The following MN1 variants were observed in gnomAD, a reference collection of about 807,000 sequenced individuals.
The protein encoded by MN1 is transcriptional activator MN1.
MN1 carries 19 observed loss-of-function variants against 86.9 expected under a neutral mutation model. That is an observed-to-expected ratio of 0.22 (90% CI 0.15 to 0.32). The LOEUF is 0.32. Ranked by LOEUF, MN1 falls within the 10% of genes least tolerant of loss-of-function variation. MN1 has a pLI of 1.00. For synonymous variants in MN1, 928 were observed against 849.6 expected (o/e 1.09, Z -1.60); for missense variants, 1,841 against 1,862.0 (o/e 0.99, Z 0.21).
intron 1 of MN1, among the ~76,000 whole-genome samples, chr22:27,768,468 G>C (rs1287963166): frequency 2.0e-5 from 3 of 152,138 alleles, no homozygotes; most frequent in African/African-American, 7.2e-5. Flanking sequence ...GTACTGCTTG[G>C]TGTCGGTTGC....
rs1175265261 is a variant in MN1 at position 27,798,858 on chromosome 22, C to T, written c.1686G>A (p.Ala562=). 6.5e-7 allele frequency: 1 copy of T among 1,544,176 alleles called. No individual in the cohort carries two copies. The highest frequency in any genetic ancestry group is 8.7e-7 in the Non-Finnish European group (1 of 1,147,120). The change falls in exon 1 of 2, where the codon GCG becomes GCA. Residue 562 remains alanine (A), a synonymous_variant. Coordinates refer to ENST00000302326, the MANE Select transcript of MN1 (RefSeq NM_002430.3). ...QNAALMIKQM[A]SRNQQQRLRQ... Reference sequence around the variant, plus strand: ...GCAGCCGCTGCTGCTGATTCCGCGACGCCATCTGCTTAATCATGAGGGCCG... The same window carrying T: ...GCAGCCGCTGCTGCTGATTCCGCGATGCCATCTGCTTAATCATGAGGGCCG...
At chr22:27,761,681 C>T (rs1932836033) in intron 1 of MN1, among the ~76,000 whole-genome samples, 1 of 152,146 alleles carries the variant, frequency 6.6e-6, no homozygotes, top group Non-Finnish European at 1.5e-5. Flanking sequence ...GCAAAGACAG[C>T]CCCCCAACTC....
chr22:27,779,382 G>A (rs1933021994), intron 1 of MN1, among the ~76,000 whole-genome samples: 1 of 152,202 alleles, frequency 6.6e-6, no homozygotes, highest in African/African-American at 2.4e-5. Flanking sequence ...CCCCAGGCTA[G>A]GGGTTCGAAC....
chr22:27,763,648 A>G (rs546826851), intron 1 of MN1, among the ~76,000 whole-genome samples: 5 of 152,360 alleles, frequency 3.3e-5, no homozygotes, highest in African/African-American at 7.2e-5. Flanking sequence ...GCCTAGAGGA[A>G]GGGAGTCCTC....
At chr22:27,791,186 G>A (rs1933206473) in intron 1 of MN1, among the ~76,000 whole-genome samples, 1 of 152,020 alleles carries the variant, frequency 6.6e-6, no homozygotes, top group Non-Finnish European at 1.5e-5. Flanking sequence ...CTGAGATACA[G>A]ACCCAGAGCT....
rs774546408 is a variant in MN1 at position 27,799,943 on chromosome 22, C to T, written c.601G>A (p.Ala201Thr). 2 of 1,602,534 alleles carry T rather than the reference C, an allele frequency of 1.2e-6. No individual in the cohort carries two copies. Among genetic ancestry groups the T allele is most frequent in the Non-Finnish European group, 8.5e-7 (1 of 1,175,160 alleles). Residue 201 changes from alanine to threonine, a missense_variant, in exon 1 of 2, where the codon GCC becomes ACC. By Grantham distance (58) the Ala-to-Thr change is moderately conservative. Transcript: ENST00000302326. The part of the protein sequence containing the change: ...LPLDQSPNRA[A>T]SFHGLPSSSG... ...GAGGACGGCAGGCCGTGGAAGGAGG[C>T]GGCTCGGTTAGGGCTCTGGTCCAGC...
At position 27,748,754 on chromosome 22, in the gene MN1, G is replaced by T. The variant is rs1414794818; in HGVS notation, c.*2161C>A. On this transcript the variant is annotated 3_prime_UTR_variant, in exon 2 of 2. Transcript: ENST00000302326. The stretch of plus-strand genomic sequence containing the variant: ...TTTTAAAACTTCAGGGGTTTCTGAG[G>T]TTGCCAGGACCATGAGCTAATTGGC... The T allele has an allele frequency of 5.8e-5, 13 of 222,954 alleles. No homozygotes were observed. Among genetic ancestry groups the T allele is most frequent in the Non-Finnish European group, 9.0e-6 (1 of 111,402 alleles). 13.8% of individuals were successfully genotyped at this position (222,954 alleles called of 1,614,324 possible).
intron 1 of MN1, among the ~76,000 whole-genome samples, chr22:27,786,842 G>GCGCACACACA (rs112383664): frequency 4.3e-5 from 6 of 140,608 alleles, no homozygotes; most frequent in African/African-American, 1.6e-4. Context: ...ATGCCCGTGC[G>GCGCACACACA]CACACACACA....
intron 1 of MN1, among the ~76,000 whole-genome samples, chr22:27,776,923 G>T (rs913990489): frequency 6.6e-6 from 1 of 152,092 alleles, no homozygotes; most frequent in African/African-American, 2.4e-5. Context: ...GAGCCGGTGG[G>T]GGAGAGGGAG....
chr22:27,790,936 C>A (rs553986186), intron 1 of MN1, among the ~76,000 whole-genome samples: 1 of 152,186 alleles, frequency 6.6e-6, no homozygotes, highest in Non-Finnish European at 1.5e-5. Context: ...AGGACTCACG[C>A]TCATTCAGTC....
chr22:27,795,070 GA>G (rs1223391511), intron 1 of MN1, among the ~76,000 whole-genome samples: 22 of 131,962 alleles, frequency 1.7e-4, no homozygotes, highest in Admixed American at 4.0e-4. Flanking sequence ...AAAAGGGGGG[GA>G]AAAAAGGGAG....
intron 1 of MN1, among the ~76,000 whole-genome samples, chr22:27,752,354 A>C (rs1471040236): frequency 2.0e-5 from 3 of 152,226 alleles, no homozygotes; most frequent in Non-Finnish European, 4.4e-5. Flanking sequence ...TGAGCTCCCC[A>C]ATCAGACCAG....
intron 1 of MN1, among the ~76,000 whole-genome samples, chr22:27,757,077 T>C (rs1418445636): frequency 6.6e-6 from 1 of 151,072 alleles, no homozygotes; most frequent in Non-Finnish European, 1.5e-5. Flanking sequence ...TTCCTTCTAA[T>C]CCCCTAACCT....
rs1354678767 is a variant in MN1, at chr22:27,749,478, C to T, written c.*1437G>A. On this transcript the variant is annotated 3_prime_UTR_variant, in exon 2 of 2. Coordinates refer to ENST00000302326, the MANE Select transcript of MN1 (RefSeq NM_002430.3). The stretch of plus-strand genomic sequence containing the variant: ...TCTAACCCACCGGGGAATCTATGTG[C>T]CCCCCACCACAAGCCATAAATGGCT... 4.3e-6 allele frequency: 1 copy of T among 231,662 alleles called. No homozygotes were observed. Among genetic ancestry groups the T allele is most frequent in the Non-Finnish European group, 8.5e-6 (1 of 117,110 alleles). 14.4% of individuals were successfully genotyped at this position (231,662 alleles called of 1,614,324 possible).
In MN1 at chr22:27,799,104, G is replaced by A; in HGVS notation, c.1440C>T (p.Gly480=). The stretch of plus-strand genomic sequence containing the variant: ...AAGGGGAGAGGTGATTATCCAGAGC[G>A]CCGTTGTGCATGCTGCCGTTCCACG... ...CASWNGSMHN[G]ALDNHLSPSA... is the part of the protein sequence containing the mutation. Residue 480 remains glycine, a synonymous_variant, in exon 1 of 2, where the codon GGC becomes GGT. Transcript: ENST00000302326. 1.9e-6 allele frequency: 3 copies of A among 1,605,016 alleles called. No homozygotes were observed. The African/African-American group carries it at 4.0e-5, about 21-fold the overall frequency.
intron 1 of MN1, among the ~76,000 whole-genome samples, chr22:27,795,851 G>A (rs953593300): frequency 1.3e-5 from 2 of 152,150 alleles, no homozygotes; most frequent in African/African-American, 2.4e-5. Flanking sequence ...TGGAATGGCA[G>A]CCCATTTACT....
rs751071303 is a variant in MN1 at position 27,799,425 on chromosome 22, C to T, written c.1119G>A (p.Ser373=). 3.7e-5 allele frequency: 54 copies of T among 1,476,456 alleles called. No individual in the cohort carries two copies. The highest frequency in any genetic ancestry group is 4.7e-5 in the Non-Finnish European group (52 of 1,117,880). 91.5% of individuals were successfully genotyped at this position (1,476,456 alleles called of 1,614,324 possible). The change falls in exon 1 of 2, where the codon TCG becomes TCA. Residue 373 remains serine (S), a synonymous_variant. Transcript: ENST00000302326. ...GGGGCCGAGGGAGCGCAGGCGGGCA[C>T]GAATTTTGTCGGACTAGAAGCCCGG... The part of the protein sequence containing the change: ...PPPGLLVRQN[S]CPPALPRPQQ...
intron 1 of MN1, among the ~76,000 whole-genome samples, chr22:27,766,173 G>C (rs1932868455): frequency 6.6e-6 from 1 of 152,210 alleles, no homozygotes; most frequent in Non-Finnish European, 1.5e-5. Context: ...AAAGTGGCAA[G>C]AGTGTCAGCT....
At chr22:27,759,911 C>G (rs953629124) in intron 1 of MN1, among the ~76,000 whole-genome samples, 5 of 152,226 alleles carry the variant, frequency 3.3e-5, no homozygotes, top group African/African-American at 1.2e-4. Context: ...TTCTATCCCT[C>G]TGGGGCAATC....
Sources: gnomAD v4.1 joint callset for allele counts (sites outside exome capture counted in the v4.1 genomes callset) on GRCh38, gnomAD v4.1.1 for gene constraint, MANE v1.5 for transcripts, NCBI Gene and HGNC (gene_info 2026-07-23, HGNC 2026-07-21) for gene names.